The following MYBPHL variants were observed in gnomAD, a reference collection of about 807,000 sequenced individuals.
MYBPHL encodes the protein myosin-binding protein H-like.
In MYBPHL, 32 loss-of-function variants were observed where a neutral mutation model predicts 39.5. The ratio of observed to expected loss-of-function variants is 0.81; its 90% confidence interval spans 0.61 to 1.09. The LOEUF is 1.09. Among genes scored for constraint, MYBPHL ranks in the 50% least tolerant of loss-of-function variants. The pLI is 0.00. For missense variants in MYBPHL, 456 were observed against 460.2 expected (o/e 0.99, Z 0.08); for synonymous variants, 196 against 183.7 (o/e 1.07, Z -0.54).
At chr1:109,306,004 G>GT (rs1427475523) in intron 1 of MYBPHL, among the ~76,000 whole-genome samples, 1 of 152,246 alleles carries the variant, frequency 6.6e-6, no homozygotes, top group Non-Finnish European at 1.5e-5. Context: ...TCACAGGGCT[G>GT]TTAGAGGCGG....
chr1:109,298,310 C>T (rs1658162238), intron 1 of MYBPHL, 53 bp from the exon 2 acceptor site: 1 of 1,525,490 alleles, frequency 6.6e-7, no homozygotes, highest in Admixed American at 1.8e-5. Context: ...GAAAGTAAAT[C>T]CTGCATCCAG....
At chr1:109,296,729 G>A (rs1658079024) in intron 5 of MYBPHL, 54 bp downstream of exon 5, 1 of 1,606,244 alleles carries the variant, frequency 6.2e-7, no homozygotes, top group East Asian at 2.2e-5. Flanking sequence ...GTGAGCCACT[G>A]TGCCCGGCCT....
intron 1 of MYBPHL, among the ~76,000 whole-genome samples, chr1:109,298,676 A>AT (rs747441285): frequency 1.7e-4 from 26 of 151,792 alleles, no homozygotes; most frequent in Non-Finnish European, 3.1e-4. Context: ...GCCACTTTCC[A>AT]TGTCAATCCT....
intron 1 of MYBPHL, 73 bp from the exon 2 acceptor site, chr1:109,298,330 G>A (rs1425061275): frequency 7.4e-7 from 1 of 1,350,882 alleles, no homozygotes; most frequent in Non-Finnish European, 1.0e-6. Flanking sequence ...GCTGCCTGCT[G>A]TGGGTGAGTG....
At chr1:109,303,229 A>T (rs1174447207) in intron 1 of MYBPHL, among the ~76,000 whole-genome samples, 1 of 152,140 alleles carries the variant, frequency 6.6e-6, no homozygotes, top group Non-Finnish European at 1.5e-5. Flanking sequence ...CTTTGGCACC[A>T]CTGAGATCTG....
At chr1:109,302,191 T>C (rs551778962) in intron 1 of MYBPHL, among the ~76,000 whole-genome samples, 90 of 152,206 alleles carry the variant, frequency 5.9e-4, no homozygotes, top group African/African-American at 2.1e-3. Context: ...GGAGCCTGCA[T>C]ACACACGTGC....
intron 1 of MYBPHL, among the ~76,000 whole-genome samples, chr1:109,302,059 GTGTA>G (rs895801432): frequency 6.7e-5 from 10 of 148,882 alleles, no homozygotes; most frequent in African/African-American, 1.5e-4. Context: ...GTGTGTGTGA[GTGTA>G]TGTGTGTGAA....
intron 1 of MYBPHL, among the ~76,000 whole-genome samples, chr1:109,300,275 G>A (rs564173803): frequency 6.6e-6 from 1 of 152,226 alleles, no homozygotes; most frequent in African/African-American, 2.4e-5. Context: ...CTAAGATTGT[G>A]TGTCTGAAGG....
chr1:109,299,534 A>G (rs1346118045), intron 1 of MYBPHL, among the ~76,000 whole-genome samples: 1 of 152,278 alleles, frequency 6.6e-6, no homozygotes, highest in African/African-American at 2.4e-5. Flanking sequence ...AGCATTGTCC[A>G]GAGAACTTCA....
intron 1 of MYBPHL, among the ~76,000 whole-genome samples, chr1:109,301,817 A>G (rs143486686): frequency 9.9e-4 from 151 of 152,020 alleles, no homozygotes; most frequent in African/African-American, 3.6e-3. Context: ...AATTCCTCCT[A>G]ATACCTACCC....
At chr1:109,305,917 C>G (rs1658449552) in intron 1 of MYBPHL, among the ~76,000 whole-genome samples, 1 of 152,188 alleles carries the variant, frequency 6.6e-6, no homozygotes, top group Admixed American at 6.5e-5. Context: ...TTTCAACTAC[C>G]CTGATAGGTA....
rs201047006 is a variant in MYBPHL at position 109,296,283 on chromosome 1, A to T, written c.818T>A (p.Val273Asp). The T allele has an allele frequency of 6.2e-7, 1 of 1,614,028 alleles. No individual in the cohort carries two copies. Among genetic ancestry groups the T allele is most frequent in the South Asian group, 1.1e-5 (1 of 91,066 alleles). ...FTQPLADCTT[V>D]TGYNTQLFCC... ...GAAGAGCTGGGTATTATAGCCGGTG[A>T]CTGTAGTGCAGTCGGCCAGAGGCTG... The change falls in exon 6 of 9, where the codon GTC becomes GAC. Residue 273 changes from valine to aspartate, a missense_variant. By Grantham distance (152) the Val-to-Asp change is radical. Coordinates refer to ENST00000357155, the MANE Select transcript of MYBPHL (RefSeq NM_001010985.3).
rs960191180 is a variant in MYBPHL at position 109,300,983 on chromosome 1, G to A, written c.146-2726C>T. On this transcript the variant is annotated intron_variant, in intron 1 of 8. Transcript: ENST00000357155. Reference sequence around the variant, plus strand: ...ACGTGAGGCTAACTCAGCTGACTACGTGCAGAGGTGGCAGGAGAGAGTGTG... The same window carrying A: ...ACGTGAGGCTAACTCAGCTGACTACATGCAGAGGTGGCAGGAGAGAGTGTG... Among the ~76,000 whole-genome samples the A allele has an allele frequency of 3.3e-5, 5 of 152,330 alleles. 1 individual carries two copies. The highest frequency in any genetic ancestry group is 4.1e-4 in the South Asian group (2 of 4,832).
At chr1:109,294,438 T>G (rs1657982443) in intron 7 of MYBPHL, among the ~76,000 whole-genome samples, 189 bp from the exon 8 acceptor site, 1 of 152,094 alleles carries the variant, frequency 6.6e-6, no homozygotes, top group African/African-American at 2.4e-5. Flanking sequence ...GCAACAAACA[T>G]TTAGAGTGCC....
intron 1 of MYBPHL, among the ~76,000 whole-genome samples, chr1:109,305,012 G>T (rs570804023): frequency 6.6e-6 from 1 of 152,168 alleles, no homozygotes; most frequent in Non-Finnish European, 1.5e-5. Context: ...CTCTCAGGGG[G>T]CTTAGGGGTC....
In MYBPHL at chr1:109,294,882, A is replaced by T. The variant is rs567693103; in HGVS notation, c.1054+229T>A. Among the ~76,000 whole-genome samples, 7 of 152,360 alleles carry T rather than the reference A, an allele frequency of 4.6e-5. No individual in the cohort carries two copies. In the East Asian group the frequency reaches 1.3e-3, roughly 29 times the overall value. The stretch of plus-strand genomic sequence containing the variant: ...CTGTACTTTCGTCTTCTCATTTGCA[A>T]AATGGAAATAAGAATTCTTCCTATA... On this transcript the variant is annotated intron_variant, in intron 7 of 8. Coordinates refer to ENST00000357155, the MANE Select transcript of MYBPHL (RefSeq NM_001010985.3).
At chr1:109,297,335 G>A (rs1471412128) in intron 3 of MYBPHL, 87 bp downstream of exon 3, 2 of 1,554,322 alleles carry the variant, frequency 1.3e-6, no homozygotes, top group Non-Finnish European at 8.7e-7. Flanking sequence ...CCTTGCCGCA[G>A]CTTCCCCAGC....
intron 6 of MYBPHL, among the ~76,000 whole-genome samples, 153 bp downstream of exon 6, chr1:109,296,081 C>G (rs960228545): frequency 3.3e-5 from 5 of 152,200 alleles, no homozygotes; most frequent in Admixed American, 6.5e-5. Flanking sequence ...TCCAAGCACC[C>G]CCCCGACTGT....
intron 1 of MYBPHL, among the ~76,000 whole-genome samples, chr1:109,306,148 G>A (rs138098311): frequency 1.2e-3 from 190 of 152,284 alleles, no homozygotes; most frequent in African/African-American, 4.0e-3. Flanking sequence ...TGAGCGCCAC[G>A]AAGTGGTTAG....
Sources: gnomAD v4.1 joint callset for allele counts (sites outside exome capture counted in the v4.1 genomes callset) on GRCh38, gnomAD v4.1.1 for gene constraint, MANE v1.5 for transcripts, NCBI Gene and HGNC (gene_info 2026-07-23, HGNC 2026-07-21) for gene names.